The following ZNF423 variants were observed in gnomAD, a reference collection of about 807,000 sequenced individuals.
ZNF423 encodes Ebf-associated zinc finger protein.
ZNF423 carries 12 observed loss-of-function variants against 95.8 expected under a neutral mutation model. That is an observed-to-expected ratio of 0.13 (90% CI 0.08 to 0.20). The LOEUF is 0.20. Among genes scored for constraint, ZNF423 ranks in the 10% least tolerant of loss-of-function variants. The pLI, the probability that ZNF423 is intolerant of heterozygous loss-of-function variation, is 1.00. For synonymous variants in ZNF423, 749 were observed against 711.9 expected, an observed-to-expected ratio of 1.05 and a Z score of -0.83; for missense variants, 1,316 against 1,737.1, an observed-to-expected ratio of 0.76 and a Z score of 4.31.
At chr16:49,753,932 G>A (rs1481163923) in intron 2 of ZNF423, among the ~76,000 whole-genome samples, 2 of 151,722 alleles carry the variant, frequency 1.3e-5, no homozygotes, top group Non-Finnish European at 2.9e-5. Context: ...TCCAGAGGCT[G>A]AGGCAGGAGA....
chr16:49,761,078 A>C (rs1212315638), intron 2 of ZNF423, among the ~76,000 whole-genome samples: 1 of 151,792 alleles, frequency 6.6e-6, no homozygotes, highest in Non-Finnish European at 1.5e-5. Context: ...GCACACACAC[A>C]CCCTCTGAGA....
At chr16:49,782,571 T>C (rs2034230442) in intron 2 of ZNF423, among the ~76,000 whole-genome samples, 4 of 152,198 alleles carry the variant, frequency 2.6e-5, no homozygotes, top group African/African-American at 9.7e-5. Flanking sequence ...AAACCACAAG[T>C]GTGTCTGTCA....
At chr16:49,493,597 G>T (rs547675725) in intron 7 of ZNF423, among the ~76,000 whole-genome samples, 1 of 152,192 alleles carries the variant, frequency 6.6e-6, no homozygotes, top group Non-Finnish European at 1.5e-5. Context: ...GGACAGGGAG[G>T]AGGAAGAGAG....
At position 49,543,833 on chromosome 16, in the gene ZNF423, C is replaced by T. The variant is rs116938187; in HGVS notation, c.3602-18339G>A. Among the ~76,000 whole-genome samples, 73 of 152,306 alleles carry T rather than the reference C, an allele frequency of 4.8e-4. No homozygotes were observed. The East Asian group carries it at 0.011, about 23-fold the overall frequency. ...GTCATATGACCCCGGTCACAGCGACCGCCACTCACGGGCTGGCTGACCTTG... is the reference window on the plus strand; with the variant it reads ...GTCATATGACCCCGGTCACAGCGACTGCCACTCACGGGCTGGCTGACCTTG... On this transcript the variant is annotated intron_variant, in intron 5 of 7. Coordinates refer to ENST00000563137, the MANE Select transcript of ZNF423 (RefSeq NM_001379286.1).
chr16:49,545,673 G>A (rs1969412990), intron 5 of ZNF423, among the ~76,000 whole-genome samples: 1 of 152,228 alleles, frequency 6.6e-6, no homozygotes, highest in Non-Finnish European at 1.5e-5. Flanking sequence ...CACGTCACAT[G>A]GGGAGTGGGC....
At chr16:49,564,933 G>A (rs932268767) in intron 5 of ZNF423, among the ~76,000 whole-genome samples, 1 of 152,106 alleles carries the variant, frequency 6.6e-6, no homozygotes, top group Non-Finnish European at 1.5e-5. Flanking sequence ...GGCATTCCAC[G>A]GGTCCCTCTC....
intron 1 of ZNF423, among the ~76,000 whole-genome samples, chr16:49,828,485 C>A (rs1024911960): frequency 3.3e-5 from 5 of 152,198 alleles, no homozygotes; most frequent in African/African-American, 9.6e-5. Flanking sequence ...CTCACACCGA[C>A]ACTTCCCACT....
At position 49,587,939 on chromosome 16, in the gene ZNF423, C is replaced by T. The variant is rs139415463; in HGVS notation, c.3601+38231G>A. ...CCCTATCTTCACATATCTATTCCCA[C>T]GCACACATAACCAGGACAGGCAATC... On this transcript the variant is annotated intron_variant, in intron 5 of 7. Transcript: ENST00000563137. Among the ~76,000 whole-genome samples the T allele has an allele frequency of 1.6e-4, 24 of 152,300 alleles. No individual in the cohort carries two copies. In the East Asian group the frequency reaches 3.5e-3, roughly 22 times the overall value.
chr16:49,671,611 G>C (rs185433291), intron 3 of ZNF423, among the ~76,000 whole-genome samples: 7 of 152,236 alleles, frequency 4.6e-5, no homozygotes, highest in Non-Finnish European at 8.8e-5. Context: ...TGATGGGTCA[G>C]GTGATGGCTC....
At chr16:49,577,225 C>T (rs1400367929) in intron 5 of ZNF423, among the ~76,000 whole-genome samples, 1 of 152,160 alleles carries the variant, frequency 6.6e-6, no homozygotes, top group East Asian at 1.9e-4. Context: ...AGAAATCAAC[C>T]ACCACAGCCA....
At chr16:49,560,778 G>A (rs965201969) in intron 5 of ZNF423, among the ~76,000 whole-genome samples, 5 of 152,190 alleles carry the variant, frequency 3.3e-5, no homozygotes, top group Admixed American at 2.6e-4. Flanking sequence ...AAACCGAGGC[G>A]AGTCGGCCGA....
chr16:49,570,883 T>A (rs1970333760), intron 5 of ZNF423, among the ~76,000 whole-genome samples: 1 of 152,000 alleles, frequency 6.6e-6, no homozygotes, highest in Non-Finnish European at 1.5e-5. Flanking sequence ...TCAGCAGAGG[T>A]CTCTAGGGCC....
intron 2 of ZNF423, among the ~76,000 whole-genome samples, chr16:49,754,484 T>C (rs530425464): frequency 5.9e-5 from 9 of 152,332 alleles, no homozygotes; most frequent in African/African-American, 2.2e-4. Context: ...CTCCCATCCC[T>C]GGAGGCATCC....
intron 2 of ZNF423, among the ~76,000 whole-genome samples, chr16:49,741,109 G>A (rs1344215579): frequency 6.6e-6 from 1 of 151,926 alleles, no homozygotes; most frequent in Non-Finnish European, 1.5e-5. Flanking sequence ...GTGTACAAGC[G>A]AATGGGGTGT....
chr16:49,532,254 T>A (rs1968873739), intron 5 of ZNF423, among the ~76,000 whole-genome samples: 1 of 151,978 alleles, frequency 6.6e-6, no homozygotes, highest in Non-Finnish European at 1.5e-5. Flanking sequence ...TGGCTAACAC[T>A]CCCCCAAACC....
intron 7 of ZNF423, among the ~76,000 whole-genome samples, chr16:49,522,366 C>A (rs1032223163): frequency 5.3e-5 from 8 of 152,134 alleles, no homozygotes; most frequent in Non-Finnish European, 1.2e-4. Flanking sequence ...AAGTCACCAC[C>A]TCCCTCTTCT....
intron 2 of ZNF423, among the ~76,000 whole-genome samples, chr16:49,755,007 C>T (rs1291687252): frequency 6.6e-6 from 1 of 152,198 alleles, no homozygotes; most frequent in Middle Eastern, 3.2e-3. Context: ...AACAGTCCGC[C>T]GGTGCGGCTA....
At chr16:49,511,286 G>A (rs770785744) in intron 7 of ZNF423, among the ~76,000 whole-genome samples, 30 of 152,176 alleles carry the variant, frequency 2.0e-4, no homozygotes, top group Non-Finnish European at 4.1e-4. Flanking sequence ...TCACCCTCTA[G>A]AACGCCTGCC....
intron 3 of ZNF423, among the ~76,000 whole-genome samples, chr16:49,688,844 G>T (rs542347548): frequency 4.7e-4 from 72 of 152,340 alleles, no homozygotes; most frequent in South Asian, 3.5e-3. Flanking sequence ...AGCACCTCCA[G>T]TTACCCTGTG....
Sources: allele counts gnomAD v4.1 joint callset (sites outside exome capture counted in the v4.1 genomes callset), GRCh38; gene constraint gnomAD v4.1.1; transcripts MANE v1.5; gene names NCBI Gene and HGNC (gene_info 2026-07-23, HGNC 2026-07-21).